FMN2: variants seen among roughly 807,000 people sequenced by gnomAD.
FMN2 encodes formin 2, also known as formin-2.
Under a neutral mutation model 142.3 loss-of-function variants are expected in FMN2, and 51 were observed. The ratio of observed to expected loss-of-function variants is 0.36; its 90% CI spans 0.29 to 0.45. The LOEUF is 0.45. FMN2 is among the 20% of genes least tolerant of loss of function. The pLI is 1.00. For synonymous variants in FMN2, 882 were observed against 869.8 expected (o/e 1.01, Z -0.25); for missense variants, 1,936 against 2,122.8 (o/e 0.91, Z 1.73).
At position 240,474,285 on chromosome 1, in the gene FMN2, T is replaced by A; in HGVS notation, c.*131T>A. ...TGACCTCTTGCATAATCTTTTTGTT[T>A]TCTAGACAGTTCACTAATTGTTGAA... is the stretch of plus-strand genomic sequence containing the variant. On this transcript the variant is annotated 3_prime_UTR_variant, in exon 18 of 18. Transcript: ENST00000319653. The A allele has an allele frequency of 1.3e-6, 1 of 786,608 alleles. No homozygotes were observed. Among genetic ancestry groups the A allele is most frequent in the African/African-American group, 1.8e-5 (1 of 54,620 alleles). 48.7% of individuals were successfully genotyped at this position (786,608 alleles called of 1,614,324 possible).
chr1:240,353,014 C>T (rs543886638), intron 13 of FMN2, among the ~76,000 whole-genome samples: 1 of 152,320 alleles, frequency 6.6e-6, no homozygotes, highest in African/African-American at 2.4e-5. Context: ...TAAACACTAG[C>T]CATCCCTGTT....
chr1:240,226,819 CACACACACACACACAT>C (rs903459537), intron 6 of FMN2, among the ~76,000 whole-genome samples: 52 of 151,804 alleles, frequency 3.4e-4, no homozygotes, highest in Non-Finnish European at 2.9e-4. Flanking sequence ...GACACACACA[CACACACACACACACAT>C]ACACACACAC....
intron 6 of FMN2, among the ~76,000 whole-genome samples, chr1:240,256,155 C>T (rs115544430): frequency 0.012 from 1,799 of 152,108 alleles, 51 homozygotes; most frequent in African/African-American, 0.041. Flanking sequence ...TGATTCAGCC[C>T]GGATTGCACT....
At chr1:240,246,428 G>A (rs972336141) in intron 6 of FMN2, among the ~76,000 whole-genome samples, 7 of 152,146 alleles carry the variant, frequency 4.6e-5, no homozygotes, top group African/African-American at 1.7e-4. Context: ...GCCACTAAGA[G>A]TACCTCACTG....
intron 15 of FMN2, among the ~76,000 whole-genome samples, chr1:240,420,685 G>A (rs1558482037): frequency 6.6e-6 from 1 of 152,134 alleles, no homozygotes; most frequent in East Asian, 1.9e-4. Flanking sequence ...GTGGACACCA[G>A]GATATTTTAT....
chr1:240,382,236 A>T (rs192227298), intron 14 of FMN2, among the ~76,000 whole-genome samples: 111 of 152,314 alleles, frequency 7.3e-4, no homozygotes, highest in African/African-American at 2.6e-3. Context: ...GGCCATATAC[A>T]CAGAAGTAAA....
chr1:240,202,732 G>C (rs1572054699), intron 4 of FMN2, among the ~76,000 whole-genome samples: 2 of 152,096 alleles, frequency 1.3e-5, no homozygotes, highest in African/African-American at 4.8e-5. Context: ...GGAAAGTGCT[G>C]GGATTACAGG....
At chr1:240,108,659 T>C (rs1415131807) in intron 1 of FMN2, among the ~76,000 whole-genome samples, 1 of 152,228 alleles carries the variant, frequency 6.6e-6, no homozygotes, top group Non-Finnish European at 1.5e-5. Flanking sequence ...GCATAAGATA[T>C]AGTGGCCTGG....
chr1:240,397,735 A>C (rs1201496735), intron 15 of FMN2, among the ~76,000 whole-genome samples: 2 of 147,144 alleles, frequency 1.4e-5, no homozygotes, highest in Non-Finnish European at 3.0e-5. Flanking sequence ...GGTTGCAGTG[A>C]GCCAAGATCG....
intron 8 of FMN2, among the ~76,000 whole-genome samples, chr1:240,308,315 G>A (rs1353857243): frequency 1.3e-5 from 2 of 152,124 alleles, no homozygotes; most frequent in East Asian, 3.9e-4. Flanking sequence ...GCCCCTCTAG[G>A]GACTTGTAGA....
intron 16 of FMN2, among the ~76,000 whole-genome samples, chr1:240,470,542 T>C (rs1676775933): frequency 6.6e-6 from 1 of 152,234 alleles, no homozygotes; most frequent in Admixed American, 6.5e-5. Context: ...ATAGCTGCAA[T>C]ACTGAGTTGT....
chr1:240,185,011 C>G (rs1665357437), intron 3 of FMN2, among the ~76,000 whole-genome samples: 3 of 148,798 alleles, frequency 2.0e-5, no homozygotes, highest in African/African-American at 7.5e-5. Flanking sequence ...CCTTCCCCTT[C>G]TCTTTCTCCC....
At chr1:240,216,330 A>C (rs1666894281) in intron 6 of FMN2, among the ~76,000 whole-genome samples, 1 of 152,254 alleles carries the variant, frequency 6.6e-6, no homozygotes, top group Non-Finnish European at 1.5e-5. Flanking sequence ...GATACCCAGA[A>C]TGTAAATTTG....
At chr1:240,242,058 G>A (rs1301778781) in intron 6 of FMN2, among the ~76,000 whole-genome samples, 1 of 151,902 alleles carries the variant, frequency 6.6e-6, no homozygotes, top group Non-Finnish European at 1.5e-5. Context: ...TGTTAGCCAG[G>A]ATGGTCTCGA....
At chr1:240,232,505 T>C (rs532752242) in intron 6 of FMN2, among the ~76,000 whole-genome samples, 49 of 152,344 alleles carry the variant, frequency 3.2e-4, no homozygotes, top group African/African-American at 1.0e-3. Context: ...CTGATGTTTC[T>C]AACAGGAAAG....
chr1:240,437,578 A>G (rs1675439818), intron 15 of FMN2, among the ~76,000 whole-genome samples: 1 of 152,148 alleles, frequency 6.6e-6, no homozygotes, highest in Non-Finnish European at 1.5e-5. Context: ...CTGGGATTAC[A>G]GGCGTGAGCC....
At chr1:240,325,343 C>CCA (rs1671130214) in intron 8 of FMN2, among the ~76,000 whole-genome samples, 1 of 108,086 alleles carries the variant, frequency 9.3e-6, no homozygotes, top group African/African-American at 3.4e-5. Flanking sequence ...ACCCTGTCTC[C>CCA]AAAAAAAAAA....
intron 3 of FMN2, among the ~76,000 whole-genome samples, chr1:240,185,556 G>T (rs1665407754): frequency 6.6e-6 from 1 of 152,224 alleles, no homozygotes. Flanking sequence ...ATATTTTGCT[G>T]ATGCATCTTT....
chr1:240,381,231 C>A (rs2103081878), intron 14 of FMN2, among the ~76,000 whole-genome samples: 1 of 152,192 alleles, frequency 6.6e-6, no homozygotes, highest in Non-Finnish European at 1.5e-5. Context: ...ACAAAACACA[C>A]AGGGGTATAT....
Sources: gnomAD v4.1 joint callset for allele counts (sites outside exome capture counted in the v4.1 genomes callset) on GRCh38, gnomAD v4.1.1 for gene constraint, MANE v1.5 for transcripts, NCBI Gene and HGNC (gene_info 2026-07-23, HGNC 2026-07-21) for gene names.